Variants in LRRC74A observed in about 807,000 individuals in gnomAD.
The protein encoded by LRRC74A is leucine rich repeat containing 74A, also known as leucine-rich repeat-containing protein 74A.
LRRC74A carries 44 observed loss-of-function variants against 57.9 expected under a neutral mutation model. The ratio of observed to expected loss-of-function variants is 0.76; its 90% CI spans 0.60 to 0.98. The LOEUF (loss-of-function observed/expected upper bound fraction) is 0.98, where lower values mean the gene tolerates loss of function less well. LRRC74A is among the 50% of genes least tolerant of loss of function. The pLI, the probability that LRRC74A is intolerant of heterozygous loss-of-function variation, is 0.00. For synonymous variants in LRRC74A, 211 were observed against 219.4 expected, an observed-to-expected ratio of 0.96 and a Z score of 0.34; for missense variants, 572 against 574.0, an observed-to-expected ratio of 1.00 and a Z score of 0.04.
intron 3 of LRRC74A, among the ~76,000 whole-genome samples, chr14:76,834,622 T>C (rs1344985468): frequency 6.6e-6 from 1 of 152,190 alleles, no homozygotes; most frequent in Non-Finnish European, 1.5e-5. Flanking sequence ...AATGGGAATG[T>C]TCTCTGTTAA....
At chr14:76,839,641 A>T (rs12897800) in intron 5 of LRRC74A, among the ~76,000 whole-genome samples, 96,667 of 152,056 alleles carry the variant, frequency 0.64, 31,022 homozygotes, top group East Asian at 0.89. Context: ...CTTTTTCAGA[A>T]GCTCACTTCC....
rs754833743 is a variant in LRRC74A, at chr14:76,852,385, T to C, written c.697T>C (p.Ser233Pro). 3.1e-6 allele frequency: 5 copies of C among 1,612,182 alleles called. No homozygotes were observed. The highest frequency in any genetic ancestry group is 4.2e-6 in the Non-Finnish European group (5 of 1,178,868). The change falls in exon 8 of 14, where the codon TCA becomes CCA. Residue 233 changes from serine (S) to proline (P), a missense_variant. Physicochemically the swap from Ser to Pro is moderately conservative, Grantham distance 74. Coordinates refer to ENST00000689127, the MANE Select transcript of LRRC74A (RefSeq NM_001385106.1). ...QMLAINVGLT[S>P]LDLSWNNFHT... The stretch of plus-strand genomic sequence containing the variant: ...TTCAGCCATCAACGTGGGGCTCACG[T>C]CACTGGATCTGAGCTGGAATAACTT...
intron 7 of LRRC74A, among the ~76,000 whole-genome samples, chr14:76,848,823 C>T (rs1165122785): frequency 6.6e-6 from 1 of 152,124 alleles, no homozygotes; most frequent in African/African-American, 2.4e-5. Flanking sequence ...AACAAAAGTG[C>T]GGAGCTCGCT....
intron 1 of LRRC74A, 111 bp from the exon 2 acceptor site, chr14:76,828,180 A>G (rs1253268424): frequency 1.4e-6 from 2 of 1,382,364 alleles, no homozygotes; most frequent in Non-Finnish European, 1.9e-6. Flanking sequence ...CACCTTGAGG[A>G]CCTGGGACTC....
intron 12 of LRRC74A, 117 bp from the exon 13 acceptor site, chr14:76,867,213 TGTGTGTGTGTGGTAGTGTGTGTGGGG>T: frequency 8.1e-6 from 2 of 247,418 alleles, no homozygotes; most frequent in African/African-American, 6.1e-5. Context: ...GGGTGGGGTG[TGTGTGTGTGTGGTAGTGTGTGTGGGG>T]GTGTGTGTTG....
At chr14:76,861,171 T>G (rs1898276067) in intron 11 of LRRC74A, among the ~76,000 whole-genome samples, 1 of 152,210 alleles carries the variant, frequency 6.6e-6, no homozygotes, top group African/African-American at 2.4e-5. Flanking sequence ...GGTCACAGTC[T>G]CTTCACCTGC....
intron 7 of LRRC74A, among the ~76,000 whole-genome samples, chr14:76,849,803 C>A (rs371068767): frequency 2.3e-3 from 303 of 130,360 alleles, no homozygotes; most frequent in African/African-American, 3.0e-3. Context: ...AATTCTGCCT[C>A]AAAAAAAAAA....
Position 76,857,413 on chromosome 14 carries a change from AT to A in LRRC74A, c.995del (p.Leu332TyrfsTer29), listed in dbSNP as rs1457538177. ...FLNPINMDGA[I>X]LLILAIKRNP... ...GAATCCCATAAATATGGATGGGGCT[AT>A]TTTACTTATCCTGGCTATCAAGAGG... On this transcript the variant is annotated frameshift_variant, in exon 10 of 14. Coordinates refer to ENST00000689127, the MANE Select transcript of LRRC74A (RefSeq NM_001385106.1). LOFTEE classifies it high-confidence loss of function. 9.5e-6 allele frequency: 15 copies of A among 1,585,194 alleles called. No homozygotes were observed. In the African/African-American group the frequency reaches 1.5e-4, roughly 16 times the overall value.
chr14:76,839,406 C>G (rs1262180078), intron 5 of LRRC74A, among the ~76,000 whole-genome samples: 1 of 152,206 alleles, frequency 6.6e-6, no homozygotes, highest in African/African-American at 2.4e-5. Context: ...TGCTTGGGTT[C>G]AAATCCCAGC....
chr14:76,849,274 A>G (rs533561700), intron 7 of LRRC74A, among the ~76,000 whole-genome samples: 14 of 150,982 alleles, frequency 9.3e-5, no homozygotes, highest in African/African-American at 2.4e-4. Flanking sequence ...TCGTGCCTCA[A>G]CCTCCTGAGT....
intron 11 of LRRC74A, among the ~76,000 whole-genome samples, chr14:76,864,445 C>CG (rs1898602937): frequency 3.0e-4 from 2 of 6,560 alleles, no homozygotes; most frequent in South Asian, 3.8e-3. Flanking sequence ...AGGGGGGTGG[C>CG]GGGGGAGAAG....
intron 9 of LRRC74A, among the ~76,000 whole-genome samples, chr14:76,856,300 A>G (rs1347197909): frequency 6.6e-6 from 1 of 152,110 alleles, no homozygotes; most frequent in Non-Finnish European, 1.5e-5. Context: ...CCTATGCTGC[A>G]TGCTCCTTTC....
chr14:76,831,262 A>T lies in LRRC74A; in HGVS notation c.226A>T (p.Met76Leu). 1.2e-6 allele frequency: 2 copies of T among 1,614,032 alleles called. No individual in the cohort carries two copies. The highest frequency in any genetic ancestry group is 1.7e-6 in the Non-Finnish European group (2 of 1,179,876). Residue 76 changes from methionine (M) to leucine (L), a missense_variant, in exon 3 of 14, where the codon ATG (methionine) becomes TTG (leucine). Transcript: ENST00000689127. ...KELYLEACKL[M>L]GVVPVSYFIR... ...GCTGTACCTGGAGGCCTGCAAGCTGATGGGTGTAGTGCCTGTCTCCTACTT... is the reference window on the plus strand; with the variant it reads ...GCTGTACCTGGAGGCCTGCAAGCTGTTGGGTGTAGTGCCTGTCTCCTACTT...
chr14:76,860,705 T>C lies in LRRC74A; in HGVS notation c.1066T>C (p.Ser356Pro). The change falls in exon 11 of 14, where the codon TCC (serine) becomes CCC (proline). Residue 356 changes from serine to proline, a missense_variant. Coordinates refer to ENST00000689127, the MANE Select transcript of LRRC74A (RefSeq NM_001385106.1). ...EELDISNVLV[S>P]EQFMKTLDGV... ...CTCCCTGTCACAGAACGTGCTGGTG[T>C]CCGAGCAGTTCATGAAAACGTTGGA... is the stretch of plus-strand genomic sequence containing the variant. The C allele has an allele frequency of 6.2e-7, 1 of 1,610,654 alleles. No homozygotes were observed. The highest frequency in any genetic ancestry group is 2.2e-5 in the East Asian group (1 of 44,704).
At chr14:76,837,141 C>A (rs1209450126) in intron 4 of LRRC74A, among the ~76,000 whole-genome samples, 1 of 150,734 alleles carries the variant, frequency 6.6e-6, no homozygotes, top group Non-Finnish European at 1.5e-5. Context: ...GACTCTGTTT[C>A]AAAAAAAAAT....
chr14:76,826,646 A>C lies in LRRC74A; in HGVS notation c.-52A>C, dbSNP rs773206185. 18 of 1,606,662 alleles carry C rather than the reference A, an allele frequency of 1.1e-5. No homozygotes were observed. The East Asian group carries it at 4.0e-4, about 36-fold the overall frequency. On this transcript the variant is annotated 5_prime_UTR_variant, in exon 1 of 14. Transcript: ENST00000689127. ...GGACAGGTGTGCTTCTTAGGGAAGCAGTCGAGAGGTGGCAAGAAGTTGGCA... is the reference window on the plus strand; with the variant it reads ...GGACAGGTGTGCTTCTTAGGGAAGCCGTCGAGAGGTGGCAAGAAGTTGGCA...
intron 11 of LRRC74A, among the ~76,000 whole-genome samples, chr14:76,861,423 C>T (rs1898297759): frequency 1.3e-5 from 2 of 152,168 alleles, no homozygotes; most frequent in South Asian, 4.1e-4. Context: ...GCCCCCGACT[C>T]ATGTTTTCTT....
At chr14:76,861,230 A>G (rs1047877733) in intron 11 of LRRC74A, among the ~76,000 whole-genome samples, 1 of 152,242 alleles carries the variant, frequency 6.6e-6, no homozygotes, top group Admixed American at 6.5e-5. Context: ...GGAAAATCAA[A>G]TTATGTCAAA....
At chr14:76,859,614 C>T (rs1898146903) in intron 10 of LRRC74A, among the ~76,000 whole-genome samples, 1 of 146,676 alleles carries the variant, frequency 6.8e-6, no homozygotes, top group African/African-American at 2.5e-5. Flanking sequence ...AAGCTGTGAC[C>T]ACAGTGGCAC....
Sources: gnomAD v4.1 joint callset for allele counts (sites outside exome capture counted in the v4.1 genomes callset) on GRCh38, gnomAD v4.1.1 for gene constraint, MANE v1.5 for transcripts, NCBI Gene and HGNC (gene_info 2026-07-23, HGNC 2026-07-21) for gene names.